SPON1: variants seen among roughly 807,000 people sequenced by gnomAD.
The protein encoded by SPON1 is spondin 1.
Under a neutral mutation model 111.7 loss-of-function variants are expected in SPON1, and 52 were observed. The observed-to-expected ratio is 0.47, with a 90% confidence interval of 0.37 to 0.59. The LOEUF (loss-of-function observed/expected upper bound fraction) is 0.59. Ranked by LOEUF, SPON1 falls within the 20% of genes least tolerant of loss-of-function variation. The pLI is 0.00. For synonymous variants in SPON1, 410 were observed against 395.8 expected, an observed-to-expected ratio of 1.04 and a Z score of -0.43; for missense variants, 957 against 1,068.5, an observed-to-expected ratio of 0.90 and a Z score of 1.46.
chr11:14,172,789 ATTCTT>A (rs1281796218), intron 6 of SPON1, among the ~76,000 whole-genome samples: 2 of 152,032 alleles, frequency 1.3e-5, no homozygotes, highest in Middle Eastern at 3.4e-3. Flanking sequence ...TGGGTTGAAA[ATTCTT>A]TTCTTTAAGA....
At chr11:13,979,236 T>C (rs1411781292) in intron 1 of SPON1, among the ~76,000 whole-genome samples, 4 of 152,172 alleles carry the variant, frequency 2.6e-5, no homozygotes, top group East Asian at 3.9e-4. Context: ...CTCTAATATC[T>C]GCCTCTGTCA....
intron 2 of SPON1, among the ~76,000 whole-genome samples, chr11:14,002,109 AC>A (rs1848323607): frequency 6.6e-6 from 1 of 152,240 alleles, no homozygotes. Flanking sequence ...AATTTGATGA[AC>A]AAGAAGGAAA....
chr11:14,077,047 T>TTG (rs1848923388), intron 4 of SPON1, among the ~76,000 whole-genome samples: 2 of 152,364 alleles, frequency 1.3e-5, no homozygotes, highest in East Asian at 3.9e-4. Flanking sequence ...ATCCAGGTGC[T>TTG]GTGGTGGACT....
At chr11:14,089,463 G>T (rs1042246275) in intron 5 of SPON1, among the ~76,000 whole-genome samples, 6 of 152,182 alleles carry the variant, frequency 3.9e-5, no homozygotes, top group Admixed American at 1.3e-4. Flanking sequence ...ACCAGCAGAG[G>T]CTCCAGAATC....
At chr11:14,192,400 G>A (rs1449062042) in intron 6 of SPON1, among the ~76,000 whole-genome samples, 5 of 152,084 alleles carry the variant, frequency 3.3e-5, no homozygotes, top group African/African-American at 1.2e-4. Context: ...AAATGAATAA[G>A]TCATTTGTAG....
At chr11:14,174,741 C>T (rs1245703401) in intron 6 of SPON1, among the ~76,000 whole-genome samples, 1 of 152,030 alleles carries the variant, frequency 6.6e-6, no homozygotes, top group Non-Finnish European at 1.5e-5. Flanking sequence ...AAAACAAGTT[C>T]CAAGAAGAGA....
intron 6 of SPON1, among the ~76,000 whole-genome samples, chr11:14,219,121 T>C (rs1345876814): frequency 2.6e-5 from 4 of 152,166 alleles, no homozygotes; most frequent in African/African-American, 4.8e-5. Flanking sequence ...CCCCACCCAC[T>C]GCCACCTATG....
intron 2 of SPON1, among the ~76,000 whole-genome samples, chr11:13,997,716 T>C (rs1383654002): frequency 3.3e-5 from 5 of 152,230 alleles, no homozygotes; most frequent in Non-Finnish European, 7.3e-5. Context: ...ATTCTATCTT[T>C]ATTGTAATAG....
At chr11:14,010,507 G>A (rs144392525) in intron 2 of SPON1, among the ~76,000 whole-genome samples, 70 of 152,244 alleles carry the variant, frequency 4.6e-4, no homozygotes, top group African/African-American at 1.5e-3. Context: ...TAAAATGAGG[G>A]ATTGGGGAGA....
At chr11:13,975,747 A>G (rs1182724854) in intron 1 of SPON1, among the ~76,000 whole-genome samples, 1 of 152,162 alleles carries the variant, frequency 6.6e-6, no homozygotes, top group African/African-American at 2.4e-5. Context: ...AATTCTCTCC[A>G]TTGCAATCCT....
chr11:14,013,830 G>A (rs1406490023), intron 2 of SPON1, among the ~76,000 whole-genome samples: 1 of 152,098 alleles, frequency 6.6e-6, no homozygotes, highest in East Asian at 1.9e-4. Context: ...TAGAGATGAA[G>A]GAAGAGACTC....
At chr11:14,051,627 GA>G (rs1848708538) in intron 3 of SPON1, among the ~76,000 whole-genome samples, 1 of 151,972 alleles carries the variant, frequency 6.6e-6, no homozygotes, top group African/African-American at 2.4e-5. Context: ...AAACCATGAA[GA>G]GGGCCTTTAC....
intron 6 of SPON1, among the ~76,000 whole-genome samples, chr11:14,149,562 A>T (rs1423046574): frequency 6.6e-6 from 1 of 152,202 alleles, no homozygotes; most frequent in Non-Finnish European, 1.5e-5. Context: ...GTGTGCAGTA[A>T]TGTCCTAGGC....
At chr11:14,156,033 C>T (rs75626065) in intron 6 of SPON1, among the ~76,000 whole-genome samples, 292 of 98,968 alleles carry the variant, frequency 3.0e-3, no homozygotes, top group East Asian at 7.3e-3. Context: ...GATGGCTAGG[C>T]CAAATGGTAT....
At chr11:14,029,023 G>A (rs990015672) in intron 2 of SPON1, among the ~76,000 whole-genome samples, 6 of 151,958 alleles carry the variant, frequency 3.9e-5, no homozygotes, top group African/African-American at 7.3e-5. Context: ...CCACTTTCCC[G>A]AAGTCTGTCT....
At chr11:14,138,945 G>C (rs1161420249) in intron 6 of SPON1, among the ~76,000 whole-genome samples, 2 of 151,964 alleles carry the variant, frequency 1.3e-5, no homozygotes, top group East Asian at 3.9e-4. Context: ...CTAAATTGCT[G>C]CACTAGCCTC....
intron 2 of SPON1, among the ~76,000 whole-genome samples, chr11:14,034,733 C>T (rs1305385914): frequency 6.6e-6 from 1 of 152,130 alleles, no homozygotes; most frequent in African/African-American, 2.4e-5. Context: ...GGGTCTGAAT[C>T]CAGACAGATC....
At chr11:14,171,787 T>C (rs1311807991) in intron 6 of SPON1, among the ~76,000 whole-genome samples, 4 of 152,188 alleles carry the variant, frequency 2.6e-5, no homozygotes, top group African/African-American at 9.7e-5. Context: ...TCAGTTTCCA[T>C]GTAGTTGAGC....
intron 2 of SPON1, among the ~76,000 whole-genome samples, chr11:13,991,614 C>T (rs1238093611): frequency 6.6e-6 from 1 of 152,142 alleles, no homozygotes; most frequent in Non-Finnish European, 1.5e-5. Flanking sequence ...AGTTTTGTTC[C>T]CTTGCTGGTG....
Sources: allele counts gnomAD v4.1 joint callset (sites outside exome capture counted in the v4.1 genomes callset), GRCh38; gene constraint gnomAD v4.1.1; transcripts MANE v1.5; gene names NCBI Gene and HGNC (gene_info 2026-07-23, HGNC 2026-07-21).